The following MEI4 variants were observed in gnomAD, a reference collection of about 807,000 sequenced individuals.
MEI4 encodes meiotic double-stranded break formation protein 4.
In MEI4, 27 loss-of-function variants were observed where a neutral mutation model predicts 31.4. The observed-to-expected ratio is 0.86, with a 90% CI of 0.63 to 1.19. The LOEUF (loss-of-function observed/expected upper bound fraction) is 1.19, where lower values mean the gene tolerates loss of function less well. MEI4 is among the 50% of genes most tolerant of loss of function. The pLI is 0.00. For synonymous variants in MEI4, 122 were observed against 145.4 expected, an observed-to-expected ratio of 0.84 and a Z score of 1.16; for missense variants, 329 against 398.9, an observed-to-expected ratio of 0.82 and a Z score of 1.49.
chr6:77,905,146 G>T (rs183852131), intron 4 of MEI4, among the ~76,000 whole-genome samples: 1 of 151,888 alleles, frequency 6.6e-6, no homozygotes, highest in African/African-American at 2.4e-5. Flanking sequence ...CTGAAAGACC[G>T]CTTTGCCAGA....
intron 2 of MEI4, among the ~76,000 whole-genome samples, chr6:77,709,880 T>C (rs916842336): frequency 3.9e-5 from 6 of 152,198 alleles, no homozygotes; most frequent in Non-Finnish European, 8.8e-5. Context: ...CATGTGTTTA[T>C]TTTTTATTCT....
At chr6:77,783,208 G>GTTCT (rs1768638837) in intron 3 of MEI4, among the ~76,000 whole-genome samples, 1 of 152,146 alleles carries the variant, frequency 6.6e-6, no homozygotes, top group Admixed American at 6.6e-5. Context: ...TTATCTAAGA[G>GTTCT]AAACAAGTCA....
intron 4 of MEI4, among the ~76,000 whole-genome samples, chr6:77,832,367 A>G (rs935751733): frequency 9.2e-5 from 14 of 152,076 alleles, no homozygotes; most frequent in African/African-American, 3.4e-4. Context: ...TGTATGTCAT[A>G]TTGTACTCTA....
intron 2 of MEI4, among the ~76,000 whole-genome samples, chr6:77,736,122 A>G (rs1268281606): frequency 6.6e-6 from 1 of 152,080 alleles, no homozygotes; most frequent in Non-Finnish European, 1.5e-5. Context: ...TGGAGCCTAC[A>G]GAGGCAGGCA....
intron 2 of MEI4, among the ~76,000 whole-genome samples, chr6:77,701,600 TATACATAG>T (rs1333332176): frequency 6.8e-6 from 1 of 146,966 alleles, no homozygotes; most frequent in Non-Finnish European, 1.5e-5. Flanking sequence ...TGTAATGTAA[TATACATAG>T]ATATATAAAT....
At chr6:77,706,321 C>T (rs1766333242) in intron 2 of MEI4, among the ~76,000 whole-genome samples, 1 of 152,142 alleles carries the variant, frequency 6.6e-6, no homozygotes, top group African/African-American at 2.4e-5. Context: ...GAATGAGTGC[C>T]ACACAGAGAG....
At chr6:77,919,039 A>T (rs1245551030) in intron 4 of MEI4, among the ~76,000 whole-genome samples, 1 of 152,042 alleles carries the variant, frequency 6.6e-6, no homozygotes, top group Non-Finnish European at 1.5e-5. Flanking sequence ...ACTCCCACAC[A>T]TTAATAATGG....
chr6:77,785,507 C>T (rs1768713125), intron 3 of MEI4, among the ~76,000 whole-genome samples: 1 of 152,164 alleles, frequency 6.6e-6, no homozygotes, highest in South Asian at 2.1e-4. Flanking sequence ...ACAGACTAGA[C>T]ATTTCTCATA....
chr6:77,906,781 T>C (rs1409940546), intron 4 of MEI4, among the ~76,000 whole-genome samples: 2 of 152,036 alleles, frequency 1.3e-5, no homozygotes, highest in Non-Finnish European at 2.9e-5. Context: ...GCCACATTGG[T>C]AACTGTATGC....
chr6:77,661,907 T>A (rs146330704), intron 1 of MEI4, among the ~76,000 whole-genome samples: 1,827 of 152,266 alleles, frequency 0.012, 33 homozygotes, highest in African/African-American at 0.041. Flanking sequence ...AGCCACCTTA[T>A]CAGCATAAGC....
At chr6:77,849,847 A>G (rs569435670) in intron 4 of MEI4, among the ~76,000 whole-genome samples, 1 of 152,182 alleles carries the variant, frequency 6.6e-6, no homozygotes, top group Non-Finnish European at 1.5e-5. Flanking sequence ...TACTTTATAC[A>G]ATATTTTGTT....
chr6:77,875,273 C>A (rs1344837534), intron 4 of MEI4, among the ~76,000 whole-genome samples: 1 of 152,160 alleles, frequency 6.6e-6, no homozygotes, highest in Admixed American at 6.5e-5. Context: ...TTTCCTATCT[C>A]CTCGCTAGAG....
chr6:77,659,536 A>T (rs989384221), intron 1 of MEI4, among the ~76,000 whole-genome samples: 1 of 152,096 alleles, frequency 6.6e-6, no homozygotes, highest in Non-Finnish European at 1.5e-5. Flanking sequence ...TTCATGGTGT[A>T]TGAGAAAACG....
intron 2 of MEI4, among the ~76,000 whole-genome samples, chr6:77,691,552 A>C (rs1258162721): frequency 6.6e-6 from 1 of 152,064 alleles, no homozygotes; most frequent in Admixed American, 6.6e-5. Flanking sequence ...TGCATTCAGA[A>C]TACTGCCATC....
At chr6:77,731,808 A>C (rs62419087) in intron 2 of MEI4, among the ~76,000 whole-genome samples, 20,861 of 151,866 alleles carry the variant, frequency 0.14, 1,553 homozygotes, top group Middle Eastern at 0.21. Context: ...TTTTTGTATA[A>C]GGTGTAAGGA....
intron 2 of MEI4, among the ~76,000 whole-genome samples, chr6:77,748,843 G>C (rs1388576165): frequency 6.6e-6 from 1 of 152,100 alleles, no homozygotes. Flanking sequence ...GTTCCCAGTA[G>C]GGGCCGACAG....
intron 2 of MEI4, among the ~76,000 whole-genome samples, chr6:77,691,793 G>C (rs1257347358): frequency 6.6e-6 from 1 of 151,932 alleles, no homozygotes; most frequent in Non-Finnish European, 1.5e-5. Context: ...GGAACACAGG[G>C]GCAAACCTGG....
chr6:77,919,555 C>T (rs1418050488), intron 4 of MEI4, among the ~76,000 whole-genome samples: 2 of 151,628 alleles, frequency 1.3e-5, no homozygotes, highest in Admixed American at 6.6e-5. Flanking sequence ...AGGAAAGATC[C>T]AAAATTGACA....
chr6:77,766,044 A>G (rs930695718), intron 3 of MEI4, among the ~76,000 whole-genome samples: 1 of 151,966 alleles, frequency 6.6e-6, no homozygotes, highest in Non-Finnish European at 1.5e-5. Context: ...TCTTATTAAC[A>G]CCATGACATT....
Sources: gnomAD v4.1 joint callset for allele counts (sites outside exome capture counted in the v4.1 genomes callset) on GRCh38, gnomAD v4.1.1 for gene constraint, MANE v1.5 for transcripts, NCBI Gene and HGNC (gene_info 2026-07-23, HGNC 2026-07-21) for gene names.